RB1: variants seen among roughly 807,000 people sequenced by gnomAD.
The protein encoded by RB1 is retinoblastoma-associated protein.
In RB1, 18 loss-of-function variants were observed where a neutral mutation model predicts 135.4. The ratio of observed to expected loss-of-function variants is 0.13; its 90% CI spans 0.09 to 0.20. The LOEUF is 0.20. RB1 is among the 10% of genes least tolerant of loss of function. RB1 has a pLI of 1.00. For synonymous variants in RB1, 365 were observed against 373.2 expected, an observed-to-expected ratio of 0.98 and a Z score of 0.25; for missense variants, 868 against 1,110.0, an observed-to-expected ratio of 0.78 and a Z score of 3.10.
In RB1 at chr13:48,391,445, T is replaced by C. The variant is rs2095214563; in HGVS notation, c.1695+10002T>C. 5 of 151,424 alleles carry C rather than the reference T, an allele frequency of 3.3e-5. No individual in the cohort carries two copies. The South Asian group carries it at 8.4e-4, about 25-fold the overall frequency. The allele number at this position is 151,424 out of a possible 1,614,324, so 9.4% of individuals were successfully genotyped here. On this transcript the variant is annotated intron_variant, in intron 17 of 26. Transcript: ENST00000267163. ...CTTGTGTAGATCCAGATTCCTTTTG[T>C]TTTCCTTCTGACTGTAAAACTTTTT...
chr13:48,416,464 A>G (rs1948912431), intron 17 of RB1: 1 of 152,534 alleles, frequency 6.6e-6, no homozygotes, highest in African/African-American at 2.4e-5. Flanking sequence ...TCGGGTGCCT[A>G]CACCACCCAG....
At chr13:48,464,957 A>AG in intron 21 of RB1, 41 bp from the exon 22 acceptor site, 1 of 1,136,274 alleles carries the variant, frequency 8.8e-7, no homozygotes, top group Non-Finnish European at 1.2e-6. Flanking sequence ...AGTAAATTTT[A>AG]CTTTTTTTTT....
chr13:48,411,681 T>A (rs780471724), intron 17 of RB1: 1 of 1,610,458 alleles, frequency 6.2e-7, no homozygotes. Context: ...TAAAATAAGA[T>A]TGATATTGTA....
At chr13:48,387,759 TAA>T (rs1382198215) in intron 17 of RB1, among the ~76,000 whole-genome samples, 1 of 152,164 alleles carries the variant, frequency 6.6e-6, no homozygotes, top group Non-Finnish European at 1.5e-5. Context: ...TTAACTAAAT[TAA>T]GTTTTAATTA....
chr13:48,344,958 ATATAG>A, intron 3 of RB1, 117 bp from the exon 4 acceptor site: 2 of 1,217,962 alleles, frequency 1.6e-6, no homozygotes, highest in Non-Finnish European at 2.3e-6. Flanking sequence ...CTTCCAAAGG[ATATAG>A]TAGTGATTTG....
chr13:48,321,889 GT>G (rs1455766651), intron 2 of RB1, among the ~76,000 whole-genome samples: 3 of 152,050 alleles, frequency 2.0e-5, no homozygotes, highest in Non-Finnish European at 4.4e-5. Flanking sequence ...CATTCATCTA[GT>G]TTGTCCACTT....
In RB1 at chr13:48,412,314, A is replaced by G. The variant is rs187575622; in HGVS notation, c.1695+30871A>G. The G allele has an allele frequency of 8.4e-5, 136 of 1,613,242 alleles. No individual in the cohort carries two copies. The East Asian group carries it at 1.2e-3, about 14-fold the overall frequency. On this transcript the variant is annotated intron_variant, in intron 17 of 26. Transcript: ENST00000267163. ...GACGCAGATGAAAATGTATATGGCA[A>G]CACAATTGGATATTAACCCAAGCAC...
intron 17 of RB1, among the ~76,000 whole-genome samples, chr13:48,383,758 T>C (rs1593458539): frequency 6.6e-6 from 1 of 152,048 alleles, no homozygotes; most frequent in Admixed American, 6.6e-5. Context: ...TGAATCTGGG[T>C]AATTAAGTGA....
intron 18 of RB1, among the ~76,000 whole-genome samples, chr13:48,453,466 C>T (rs1949341425): frequency 6.6e-6 from 1 of 152,144 alleles, no homozygotes; most frequent in Non-Finnish European, 1.5e-5. Context: ...AAGCAGAAAA[C>T]ATTTTTCAGA....
chr13:48,378,412 C>CTGTG, intron 13 of RB1, among the ~76,000 whole-genome samples: 1 of 152,112 alleles, frequency 6.6e-6, no homozygotes, highest in Middle Eastern at 3.4e-3. Context: ...ACACATTAGC[C>CTGTG]TAGGCCTACA....
At position 48,380,211 on chromosome 13, in the gene RB1, G is replaced by A. The variant is rs201458896; in HGVS notation, c.1468G>A (p.Ala490Thr). Residue 490 changes from alanine (A) to threonine (T), a missense_variant, in exon 16 of 27, where the codon GCT becomes ACT. Ala to Thr is a moderately conservative substitution (Grantham distance 58). This residue lies in a region of RB1 where 641 missense variants were observed against 791.3 expected (regional missense o/e 0.81). Coordinates refer to ENST00000267163, the MANE Select transcript of RB1 (RefSeq NM_000321.3). ...NIFHMSLLAC[A>T]LEVVMATYSR... is the part of the protein sequence containing the mutation. ...TTTTCATATGTCTTTATTGGCGTGC[G>A]CTCTTGAGGTTGTAATGGCCACATA... 23 of 1,605,006 alleles carry A rather than the reference G, an allele frequency of 1.4e-5. No individual in the cohort carries two copies. The highest frequency in any genetic ancestry group is 1.8e-4 in the Middle Eastern group (1 of 5,542).
intron 2 of RB1, among the ~76,000 whole-genome samples, chr13:48,322,536 A>C (rs1331470724): frequency 6.6e-6 from 1 of 152,084 alleles, no homozygotes; most frequent in Non-Finnish European, 1.5e-5. Context: ...TTCTTGCCTA[A>C]TTGCTTTGTC....
intron 17 of RB1, among the ~76,000 whole-genome samples, chr13:48,417,696 C>G (rs1180929078): frequency 1.0e-5 from 1 of 95,522 alleles, no homozygotes; most frequent in African/African-American, 3.3e-5. Context: ...CATAAATGAC[C>G]TGATGGAGCT....
intron 2 of RB1, chr13:48,320,157 C>T (rs943779550): frequency 1.5e-5 from 12 of 806,656 alleles, no homozygotes; most frequent in Non-Finnish European, 2.4e-5. Flanking sequence ...CAGTTTCCTC[C>T]TCCCTCATGG....
intron 9 of RB1, among the ~76,000 whole-genome samples, chr13:48,366,701 G>T (rs1165872944): frequency 1.3e-5 from 2 of 152,158 alleles, no homozygotes; most frequent in Non-Finnish European, 2.9e-5. Flanking sequence ...TAATTGTCTT[G>T]CCCAAGATAC....
chr13:48,360,214 C>T (rs545525210), intron 7 of RB1, 87 bp downstream of exon 7: 1 of 1,579,726 alleles, frequency 6.3e-7, no homozygotes, highest in Admixed American at 1.8e-5. Context: ...GGTTCTAAGG[C>T]TGACAGGATG....
At chr13:48,320,844 A>G (rs1047256243) in intron 2 of RB1, among the ~76,000 whole-genome samples, 4 of 152,148 alleles carry the variant, frequency 2.6e-5, no homozygotes, top group Admixed American at 2.6e-4. Flanking sequence ...AAAGAAAAAA[A>G]AAAAAAAGAG....
At chr13:48,312,534 C>T (rs1474977270) in intron 2 of RB1, among the ~76,000 whole-genome samples, 1 of 152,232 alleles carries the variant, frequency 6.6e-6, no homozygotes, top group Non-Finnish European at 1.5e-5. Flanking sequence ...TGGAATTTTA[C>T]ACTACCATTT....
rs143264284 is a variant in RB1 at position 48,378,892 on chromosome 13, A to G, written c.1333-702A>G. On this transcript the variant is annotated intron_variant, in intron 13 of 26. Coordinates refer to ENST00000267163, the MANE Select transcript of RB1 (RefSeq NM_000321.3). ...GACCAAAAACGTTGTTATGCGGTGC[A>G]TGATTATATATGAGATTTTTGCTCT... 1.5e-3 allele frequency among the ~76,000 whole-genome samples: 233 copies of G among 152,320 alleles called. 1 individual carries two copies. Among genetic ancestry groups the G allele is most frequent in the African/African-American group, 3.0e-3 (125 of 41,568 alleles).
Sources: gnomAD v4.1 joint callset for allele counts (sites outside exome capture counted in the v4.1 genomes callset) on GRCh38, gnomAD v4.1.1 for gene constraint, gnomAD v4.1.1 regional missense constraint, MANE v1.5 for transcripts, NCBI Gene and HGNC (gene_info 2026-07-23, HGNC 2026-07-21) for gene names.